TNFRSF13B: variants seen among roughly 807,000 people sequenced by gnomAD.
The protein encoded by TNFRSF13B is TNF receptor superfamily member 13B.
Under a neutral mutation model 24.0 loss-of-function variants are expected in TNFRSF13B, and 34 were observed. The observed-to-expected ratio is 1.41, with a 90% CI of 1.08 to 1.88. The LOEUF (loss-of-function observed/expected upper bound fraction) is 1.88, where lower values mean the gene tolerates loss of function less well. Ranked by LOEUF, TNFRSF13B falls within the 40% of genes most tolerant of loss-of-function variation. The pLI is 0.00. For synonymous variants in TNFRSF13B, 173 were observed against 150.3 expected, an observed-to-expected ratio of 1.15 and a Z score of -1.10; for missense variants, 415 against 380.8, an observed-to-expected ratio of 1.09 and a Z score of -0.75.
intron 1 of TNFRSF13B, among the ~76,000 whole-genome samples, chr17:16,954,616 A>T (rs1007570530): frequency 6.6e-6 from 1 of 152,230 alleles, no homozygotes; most frequent in Non-Finnish European, 1.5e-5. Context: ...CTCATCATTG[A>T]TGCCTACATG....
intron 1 of TNFRSF13B, among the ~76,000 whole-genome samples, chr17:16,961,260 A>G (rs1288445851): frequency 6.6e-6 from 1 of 152,228 alleles, no homozygotes; most frequent in Non-Finnish European, 1.5e-5. Context: ...ATCCAAAAGA[A>G]CTGAAACAGG....
intron 1 of TNFRSF13B, among the ~76,000 whole-genome samples, chr17:16,964,659 G>T (rs2087687248): frequency 6.6e-6 from 1 of 152,092 alleles, no homozygotes; most frequent in African/African-American, 2.4e-5. Context: ...TGGTTCTAAA[G>T]GAAGAAGAAC....
chr17:16,962,035 G>A lies in TNFRSF13B; in HGVS notation c.62-9452C>T, dbSNP rs142283327. Among the ~76,000 whole-genome samples, 520 of 152,206 alleles carry A rather than the reference G, an allele frequency of 3.4e-3. 4 individuals are homozygous for A. Among genetic ancestry groups the A allele is most frequent in the African/African-American group, 0.011 (476 of 41,518 alleles). ...GTGACAGCTGCTTGAAGGTCTAGAG[G>A]GTACTCTATCCCAGCTAAAATGGAA... On this transcript the variant is annotated intron_variant, in intron 1 of 4. Coordinates refer to ENST00000261652, the MANE Select transcript of TNFRSF13B (RefSeq NM_012452.3).
At chr17:16,970,372 G>A (rs920805366) in intron 1 of TNFRSF13B, among the ~76,000 whole-genome samples, 2 of 152,218 alleles carry the variant, frequency 1.3e-5, no homozygotes, top group Non-Finnish European at 2.9e-5. Context: ...GAGCAGCCAA[G>A]GAGGGTGATT....
chr17:16,940,685 T>G (rs943329221), intron 3 of TNFRSF13B, 174 bp from the exon 4 acceptor site: 5 of 1,470,860 alleles, frequency 3.4e-6, no homozygotes, highest in East Asian at 2.5e-5. Context: ...CTGGAGGAAG[T>G]TGATCCACTC....
chr17:16,961,550 GAGTT>G (rs1046735570), intron 1 of TNFRSF13B, among the ~76,000 whole-genome samples: 9 of 152,176 alleles, frequency 5.9e-5, no homozygotes, highest in African/African-American at 1.9e-4. Context: ...CAAATTCACA[GAGTT>G]AGAGAGTAAA....
chr17:16,970,990 G>A (rs966287402), intron 1 of TNFRSF13B, among the ~76,000 whole-genome samples: 4 of 152,182 alleles, frequency 2.6e-5, no homozygotes, highest in Non-Finnish European at 5.9e-5. Flanking sequence ...ATCTGGCCAT[G>A]GGTTCTGTCT....
chr17:16,949,774 C>T (rs2087575625), intron 2 of TNFRSF13B, among the ~76,000 whole-genome samples: 1 of 151,888 alleles, frequency 6.6e-6, no homozygotes, highest in Non-Finnish European at 1.5e-5. Context: ...CAACCTCTGC[C>T]TCCCAGGTTC....
chr17:16,957,392 A>G (rs1180227459), intron 1 of TNFRSF13B, among the ~76,000 whole-genome samples: 2 of 152,096 alleles, frequency 1.3e-5, no homozygotes, highest in African/African-American at 4.8e-5. Context: ...GTATGCTCAT[A>G]GAAGTTACAG....
rs1347816555 is a variant in TNFRSF13B, at chr17:16,964,690, C to A, written c.61+7325G>T. Among the ~76,000 whole-genome samples the A allele has an allele frequency of 3.3e-5, 5 of 152,204 alleles. No individual in the cohort carries two copies. The East Asian group carries it at 9.6e-4, about 29-fold the overall frequency. On this transcript the variant is annotated intron_variant, in intron 1 of 4. Coordinates refer to ENST00000261652, the MANE Select transcript of TNFRSF13B (RefSeq NM_012452.3). ...AGAACTTAGTTAGGTCCTGGGAAAA[C>A]TGGTCAAGTCACCTTCTCAGTTTTC...
chr17:16,949,947 A>C (rs946122565), intron 2 of TNFRSF13B, among the ~76,000 whole-genome samples: 1 of 152,084 alleles, frequency 6.6e-6, no homozygotes, highest in African/African-American at 2.4e-5. Context: ...CGGCCTCCCA[A>C]AGTGCTGGGA....
chr17:16,959,982 C>T (rs984894386), intron 1 of TNFRSF13B, among the ~76,000 whole-genome samples: 4 of 152,088 alleles, frequency 2.6e-5, no homozygotes, highest in African/African-American at 9.7e-5. Flanking sequence ...CAGCATTACA[C>T]TAATACAAAA....
chr17:16,971,720 A>G (rs1483508441), intron 1 of TNFRSF13B, among the ~76,000 whole-genome samples: 1 of 152,128 alleles, frequency 6.6e-6, no homozygotes, highest in Admixed American at 6.5e-5. Context: ...TCCAGCGGGC[A>G]TGTAAGGGGG....
chr17:16,952,571 A>G lies in TNFRSF13B; in HGVS notation c.74T>C (p.Leu25Pro), dbSNP rs534147180. The G allele has an allele frequency of 5.6e-6, 9 of 1,614,160 alleles. No homozygotes were observed. In the South Asian group the frequency reaches 7.7e-5, roughly 14 times the overall value. ...VDQEERFPQGLWTGVAMRSCP... is the reference protein window; with the variant it reads ...VDQEERFPQGPWTGVAMRSCP... The stretch of plus-strand genomic sequence containing the variant: ...GGATCTCATAGCCACCCCCGTCCAC[A>G]GGCCCTGTGGAACTGAGAGACCAGG... The change falls in exon 2 of 5, where the codon CTG (leucine) becomes CCG (proline). Residue 25 changes from leucine to proline, a missense_variant. Coordinates refer to ENST00000261652, the MANE Select transcript of TNFRSF13B (RefSeq NM_012452.3).
chr17:16,940,419 C>T lies in TNFRSF13B; in HGVS notation c.538G>A (p.Val180Met). The T allele has an allele frequency of 6.2e-7, 1 of 1,614,076 alleles. No individual in the cohort carries two copies. Among genetic ancestry groups the T allele is most frequent in the Non-Finnish European group, 8.5e-7 (1 of 1,180,028 alleles). The change falls in exon 4 of 5, where the codon GTG (valine) becomes ATG (methionine). Residue 180 changes from valine (V) to methionine (M), a missense_variant. Coordinates refer to ENST00000261652, the MANE Select transcript of TNFRSF13B (RefSeq NM_012452.3). ...TTCTTGAGGAAGCAGGCCACCGCCA[C>T]CAGGAAGCAGCAGAGGACGGCACAC... The part of the protein sequence containing the change: ...CLCAVLCCFL[V>M]AVACFLKKRG...
intron 1 of TNFRSF13B, among the ~76,000 whole-genome samples, chr17:16,958,445 C>T (rs1458647627): frequency 6.6e-6 from 1 of 151,452 alleles, no homozygotes; most frequent in East Asian, 1.9e-4. Flanking sequence ...GATTTAAAAA[C>T]CCACAGGCTT....
chr17:16,951,463 A>G (rs948682389), intron 2 of TNFRSF13B, among the ~76,000 whole-genome samples: 2 of 152,386 alleles, frequency 1.3e-5, no homozygotes, highest in African/African-American at 2.4e-5. Context: ...GGAAAACTGG[A>G]TATTGCCTGA....
chr17:16,954,589 A>G (rs1335476193), intron 1 of TNFRSF13B, among the ~76,000 whole-genome samples: 1 of 152,224 alleles, frequency 6.6e-6, no homozygotes, highest in East Asian at 1.9e-4. Flanking sequence ...AGAGTGCCTG[A>G]CTGCCTTTGA....
At chr17:16,957,218 GA>G (rs1341680119) in intron 1 of TNFRSF13B, among the ~76,000 whole-genome samples, 1 of 149,192 alleles carries the variant, frequency 6.7e-6, no homozygotes, top group African/African-American at 2.5e-5. Flanking sequence ...GTTCTGGAAT[GA>G]AAAAGTTCAA....
Sources: gnomAD v4.1 joint callset for allele counts (sites outside exome capture counted in the v4.1 genomes callset) on GRCh38, gnomAD v4.1.1 for gene constraint, MANE v1.5 for transcripts, NCBI Gene and HGNC (gene_info 2026-07-23, HGNC 2026-07-21) for gene names.